The following TEK variants were observed in gnomAD, a reference collection of about 807,000 sequenced individuals.
TEK encodes angiopoietin-1 receptor.
Under a neutral mutation model 131.8 loss-of-function variants are expected in TEK, and 43 were observed. The observed-to-expected ratio is 0.33, with a 90% CI of 0.26 to 0.42. TEK has a LOEUF of 0.42. Among genes scored for constraint, TEK ranks in the 10% least tolerant of loss-of-function variants. TEK has a pLI of 1.00. For synonymous variants in TEK, 580 were observed against 491.6 expected, an observed-to-expected ratio of 1.18 and a Z score of -2.38; for missense variants, 1,162 against 1,384.4, an observed-to-expected ratio of 0.84 and a Z score of 2.55.
At chr9:27,219,922 T>C in intron 20 of TEK, 127 bp from the exon 21 acceptor site, 3 of 927,324 alleles carry the variant, frequency 3.2e-6, no homozygotes, top group Non-Finnish European at 5.3e-6. Context: ...AAGGGAGGCA[T>C]GCAGGATGCT....
At chr9:27,160,544 A>G (rs573720762) in intron 2 of TEK, among the ~76,000 whole-genome samples, 1 of 152,304 alleles carries the variant, frequency 6.6e-6, no homozygotes, top group African/African-American at 2.4e-5. Flanking sequence ...CCCAGGTCCC[A>G]GGTGATGAGA....
intron 1 of TEK, among the ~76,000 whole-genome samples, chr9:27,129,734 G>A (rs888533330): frequency 1.6e-4 from 25 of 152,240 alleles, no homozygotes; most frequent in African/African-American, 5.3e-4. Flanking sequence ...CATTGCCTCT[G>A]CCTGTTATTC....
chr9:27,228,519 C>T (rs1346364344), intron 22 of TEK, among the ~76,000 whole-genome samples: 6 of 152,116 alleles, frequency 3.9e-5, no homozygotes, highest in Middle Eastern at 3.2e-3. Flanking sequence ...CACGTACACA[C>T]TAGAATAACA....
intron 2 of TEK, among the ~76,000 whole-genome samples, chr9:27,162,661 A>C (rs1823586889): frequency 6.6e-6 from 1 of 152,234 alleles, no homozygotes; most frequent in African/African-American, 2.4e-5. Context: ...AAGCATCAAG[A>C]AAATGGGAAA....
At chr9:27,227,587 T>C (rs1308050872) in intron 21 of TEK, among the ~76,000 whole-genome samples, 1 of 152,204 alleles carries the variant, frequency 6.6e-6, no homozygotes, top group Non-Finnish European at 1.5e-5. Flanking sequence ...GCCATCTTTC[T>C]GCTGTGTCCT....
rs1436927456 is a variant in TEK, at chr9:27,109,374, A to G, written c.-217A>G. 3.2e-6 allele frequency: 2 copies of G among 631,174 alleles called. No homozygotes were observed. The highest frequency in any genetic ancestry group is 5.7e-6 in the Non-Finnish European group (2 of 353,970). 39.1% of individuals were successfully genotyped at this position (631,174 alleles called of 1,614,324 possible). On this transcript the variant is annotated 5_prime_UTR_variant, in exon 1 of 23. Coordinates refer to ENST00000380036, the MANE Select transcript of TEK (RefSeq NM_000459.5). ...GATACAGCCTTTCCCATCCTAATCTACAAAGGAAACAGGAAAAAGGAACTT... is the reference window on the plus strand; with the variant it reads ...GATACAGCCTTTCCCATCCTAATCTGCAAAGGAAACAGGAAAAAGGAACTT...
intron 18 of TEK, among the ~76,000 whole-genome samples, chr9:27,216,949 T>G (rs1050943919): frequency 1.3e-5 from 2 of 152,122 alleles, no homozygotes; most frequent in Non-Finnish European, 2.9e-5. Flanking sequence ...CCCCAAATCA[T>G]AGAGACTTTG....
rs900673152 is a variant in TEK, at chr9:27,162,762, C to T, written c.364+4620C>T. Among the ~76,000 whole-genome samples the T allele has an allele frequency of 3.3e-5, 5 of 152,050 alleles. No individual in the cohort carries two copies. The East Asian group carries it at 9.7e-4, about 29-fold the overall frequency. On this transcript the variant is annotated intron_variant, in intron 2 of 22. Transcript: ENST00000380036. ...ACGGAGTCTTGCTCTGTCACCCAGG[C>T]TGGAGTGCAGTGGCGCGATCTCGGC...
chr9:27,138,995 G>A (rs972827969), intron 1 of TEK, among the ~76,000 whole-genome samples: 1 of 151,922 alleles, frequency 6.6e-6, no homozygotes, highest in African/African-American at 2.4e-5. Context: ...GGATCACGAG[G>A]TCAGGAGATC....
chr9:27,109,867 T>C (rs1448235074), intron 1 of TEK, among the ~76,000 whole-genome samples: 3 of 152,200 alleles, frequency 2.0e-5, no homozygotes, highest in African/African-American at 7.2e-5. Flanking sequence ...GATTGGCCCC[T>C]GTGTTAGAAA....
At chr9:27,150,266 A>G (rs936176620) in intron 1 of TEK, among the ~76,000 whole-genome samples, 2 of 152,182 alleles carry the variant, frequency 1.3e-5, no homozygotes, top group African/African-American at 4.8e-5. Context: ...CCTTTGTGCA[A>G]TCACCAACTG....
At chr9:27,198,022 G>A (rs761459540) in intron 12 of TEK, among the ~76,000 whole-genome samples, 6 of 151,942 alleles carry the variant, frequency 3.9e-5, no homozygotes, top group Admixed American at 1.3e-4. Flanking sequence ...AATTTTAAAA[G>A]TTAAAAGATT....
At chr9:27,119,895 G>A (rs1821715587) in intron 1 of TEK, among the ~76,000 whole-genome samples, 1 of 151,756 alleles carries the variant, frequency 6.6e-6, no homozygotes, top group Admixed American at 6.6e-5. Flanking sequence ...ACATGCGTGT[G>A]TGTGTGTGCA....
At chr9:27,129,631 T>G (rs1049919873) in intron 1 of TEK, among the ~76,000 whole-genome samples, 1 of 152,230 alleles carries the variant, frequency 6.6e-6, no homozygotes, top group Non-Finnish European at 1.5e-5. Flanking sequence ...TCCAAGGGGC[T>G]TATGCAAATA....
At chr9:27,219,483 G>C (rs1825961931) in intron 20 of TEK, among the ~76,000 whole-genome samples, 1 of 152,156 alleles carries the variant, frequency 6.6e-6, no homozygotes, top group Non-Finnish European at 1.5e-5. Context: ...ACTAGGGCCT[G>C]TCAGAGGGTA....
chr9:27,205,093 T>G, intron 14 of TEK, 28 bp downstream of exon 14: 1 of 1,613,642 alleles, frequency 6.2e-7, no homozygotes, highest in East Asian at 2.2e-5. Context: ...TACTAGCTAA[T>G]AAGGGCAAGT....
Position 27,206,705 on chromosome 9 carries a change from A to G in TEK, c.2488A>G (p.Ile830Val), listed in dbSNP as rs775542431. The G allele has an allele frequency of 3.1e-6, 5 of 1,614,116 alleles. No homozygotes were observed. The South Asian group carries it at 5.5e-5, about 18-fold the overall frequency. The change falls in exon 15 of 23, where the codon ATT becomes GTT. Residue 830 changes from isoleucine (I) to valine (V), a missense_variant. Around this residue, in one of 6 missense-constraint regions of TEK, gnomAD observed 57 missense variants for 100.8 expected, o/e 0.57. Transcript: ENST00000380036. The part of the protein sequence containing the change: ...DWNDIKFQDV[I>V]GEGNFGQVLK... ...GAATGACATCAAATTTCAAGATGTG[A>G]TTGGGGAGGGCAATTTTGGCCAAGT...
chr9:27,196,762 CTTTTTTTTTTT>C (rs367911024), intron 11 of TEK, among the ~76,000 whole-genome samples: 3 of 99,286 alleles, frequency 3.0e-5, no homozygotes, highest in African/African-American at 7.9e-5. Flanking sequence ...GTGCTATACA[CTTTTTTTTTTT>C]TTTTTTTTTT....
At chr9:27,155,096 A>G (rs565652924) in intron 1 of TEK, among the ~76,000 whole-genome samples, 4 of 152,316 alleles carry the variant, frequency 2.6e-5, no homozygotes, top group African/African-American at 9.6e-5. Flanking sequence ...ACTGGAGTTG[A>G]AAGAATTACA....
Sources: gnomAD v4.1 joint callset for allele counts (sites outside exome capture counted in the v4.1 genomes callset) on GRCh38, gnomAD v4.1.1 for gene constraint, gnomAD v4.1.1 regional missense constraint, MANE v1.5 for transcripts, NCBI Gene and HGNC (gene_info 2026-07-23, HGNC 2026-07-21) for gene names.